Variants in DHX36 observed in about 807,000 individuals in gnomAD.
DHX36 encodes ATP-dependent DNA/RNA helicase DHX36.
Under a neutral mutation model 139.0 loss-of-function variants are expected in DHX36, and 50 were observed. That is an observed-to-expected ratio of 0.36 (90% CI 0.29 to 0.46). The LOEUF (loss-of-function observed/expected upper bound fraction) is 0.46. DHX36 is among the 20% of genes least tolerant of loss of function. The pLI, the probability that DHX36 is intolerant of heterozygous loss-of-function variation, is 1.00. For synonymous variants in DHX36, 425 were observed against 401.9 expected (o/e 1.06, Z -0.69); for missense variants, 1,024 against 1,211.3 (o/e 0.85, Z 2.29).
At chr3:154,284,335 C>T (rs908842485) in intron 19 of DHX36, among the ~76,000 whole-genome samples, 6 of 151,868 alleles carry the variant, frequency 4.0e-5, no homozygotes, top group Admixed American at 2.6e-4. Flanking sequence ...TGCCCACCAC[C>T]ACACACAGCT....
rs1382539365 is a variant in DHX36 at position 154,284,957 on chromosome 3, G to C, written c.2062C>G (p.Pro688Ala). The C allele has an allele frequency of 6.2e-7, 1 of 1,614,166 alleles. No homozygotes were observed. Among genetic ancestry groups the C allele is most frequent in the South Asian group, 1.1e-5 (1 of 91,084 alleles). The change falls in exon 18 of 25, where the codon CCT (proline) becomes GCT (alanine). Residue 688 changes from proline to alanine, a missense_variant. By Grantham distance (27) the Pro-to-Ala change is conservative. This residue lies in a region of DHX36 where 470 missense variants were observed against 616.2 expected (regional missense o/e 0.76). Coordinates refer to ENST00000496811, the MANE Select transcript of DHX36 (RefSeq NM_020865.3). ...AATCGTGCCAAGTGGACTCCAAGAG[G>C]TGTCAATTCTTCTTGTTTATCCAAA... ...NALDKQEELTPLGVHLARLPV... is the reference protein window; with the variant it reads ...NALDKQEELTALGVHLARLPV...
chr3:154,272,578 T>G lies in DHX36; in HGVS notation c.*3593A>C. 6.6e-6 allele frequency: 1 copy of G among 151,012 alleles called. No individual in the cohort carries two copies. The highest frequency in any genetic ancestry group is 2.1e-4 in the South Asian group (1 of 4,802). The allele number at this position is 151,012 out of a possible 1,614,324, so 9.4% of individuals were successfully genotyped here. On this transcript the variant is annotated 3_prime_UTR_variant, in exon 25 of 25. Coordinates refer to ENST00000496811, the MANE Select transcript of DHX36 (RefSeq NM_020865.3). ...GGTTAATTTTATTGTATATAATATC[T>G]TAAAATTTATTATATATAAAATAAT...
intron 9 of DHX36, among the ~76,000 whole-genome samples, chr3:154,302,914 T>C (rs1006742005): frequency 1.3e-5 from 2 of 152,032 alleles, no homozygotes; most frequent in African/African-American, 4.8e-5. Flanking sequence ...TAGTTTCTAC[T>C]AAAAATACAA....
intron 17 of DHX36, among the ~76,000 whole-genome samples, chr3:154,287,389 T>A (rs964605883): frequency 6.6e-6 from 1 of 152,176 alleles, no homozygotes; most frequent in East Asian, 1.9e-4. Context: ...GAGTGGTGGC[T>A]CATGCCTATG....
chr3:154,312,855 ATATATATATATAT>A (rs1712816929), intron 3 of DHX36, among the ~76,000 whole-genome samples: 58 of 4,698 alleles, frequency 0.012, 1 homozygote, highest in South Asian at 0.025. Flanking sequence ...TAATTAAAAT[ATATATATATATAT>A]ATATATATAT....
chr3:154,277,722 T>TA lies in DHX36; in HGVS notation c.2568-5dup. On this transcript the variant is annotated splice_polypyrimidine_tract_variant and splice_region_variant and intron_variant, in intron 22 of 24. Coordinates refer to ENST00000496811, the MANE Select transcript of DHX36 (RefSeq NM_020865.3). ...GGTTTTTGTGTAAACTTTTACCCTT[T>TA]AAAAAAAGTTAAAATGCAGTTTGTT... The TA allele has an allele frequency of 2.5e-6, 4 of 1,588,474 alleles. No individual in the cohort carries two copies. The highest frequency in any genetic ancestry group is 2.3e-5 in the South Asian group (2 of 85,836).
chr3:154,315,738 C>A (rs1448852324), intron 2 of DHX36, among the ~76,000 whole-genome samples: 3 of 152,072 alleles, frequency 2.0e-5, no homozygotes, highest in Non-Finnish European at 2.9e-5. Flanking sequence ...AGCAATTTCA[C>A]TTCTTGCAGA....
In DHX36 at chr3:154,283,275, T is replaced by C. The variant is rs779048646; in HGVS notation, c.2293-4A>G. The stretch of plus-strand genomic sequence containing the variant: ...GTCGCCTAGCCTCTTCCCAGCCCTA[T>C]GGGGCAAAGAAATGAAGAAATCTAT... On this transcript the variant is annotated splice_polypyrimidine_tract_variant and splice_region_variant and intron_variant, in intron 19 of 24. Transcript: ENST00000496811. The C allele has an allele frequency of 8.7e-6, 14 of 1,603,384 alleles. No homozygotes were observed. Among genetic ancestry groups the C allele is most frequent in the South Asian group, 6.6e-5 (6 of 90,602 alleles).
intron 12 of DHX36, among the ~76,000 whole-genome samples, chr3:154,297,002 AGAGAG>A: frequency 6.6e-6 from 1 of 152,354 alleles, no homozygotes; most frequent in South Asian, 2.1e-4. Context: ...AATAAAGGTA[AGAGAG>A]AATCAAATGA....
At chr3:154,316,966 G>T (rs987431513) in intron 1 of DHX36, among the ~76,000 whole-genome samples, 1 of 152,042 alleles carries the variant, frequency 6.6e-6, no homozygotes, top group Non-Finnish European at 1.5e-5. Flanking sequence ...GGAAACACAC[G>T]CGGAGTGGTG....
chr3:154,277,775 T>C, intron 22 of DHX36, 57 bp from the exon 23 acceptor site: 1 of 1,448,880 alleles, frequency 6.9e-7, no homozygotes, highest in Non-Finnish European at 9.3e-7. Context: ...AGGATTTTCT[T>C]TTTTTACACT....
intron 19 of DHX36, 41 bp downstream of exon 19, chr3:154,284,542 A>G (rs1409327672): frequency 1.4e-6 from 2 of 1,472,844 alleles, no homozygotes; most frequent in Non-Finnish European, 1.9e-6. Flanking sequence ...ATTTCATTTG[A>G]ATAAACTATC....
chr3:154,291,202 A>T (rs1431501998), intron 15 of DHX36, among the ~76,000 whole-genome samples: 1 of 148,700 alleles, frequency 6.7e-6, no homozygotes, highest in Middle Eastern at 3.5e-3. Flanking sequence ...GCTTTTTCTG[A>T]TCTCCAAAAT....
At chr3:154,278,101 T>C (rs753465706) in intron 22 of DHX36, among the ~76,000 whole-genome samples, 10 of 152,148 alleles carry the variant, frequency 6.6e-5, no homozygotes, top group Non-Finnish European at 1.2e-4. Flanking sequence ...AAGTGATTCA[T>C]ACCAAGAGTT....
intron 11 of DHX36, among the ~76,000 whole-genome samples, 197 bp downstream of exon 11, chr3:154,300,397 A>C: frequency 6.6e-6 from 1 of 152,182 alleles, no homozygotes; most frequent in East Asian, 1.9e-4. Context: ...GAGATTTATA[A>C]TCCATATATT....
In DHX36 at chr3:154,301,068, T is replaced by C. The variant is rs1302098656; in HGVS notation, c.1277A>G (p.His426Arg). 1.2e-6 allele frequency: 2 copies of C among 1,613,132 alleles called. No homozygotes were observed. Among genetic ancestry groups the C allele is most frequent in the Non-Finnish European group, 8.5e-7 (1 of 1,179,820 alleles). The change falls in exon 10 of 25, where the codon CAT becomes CGT. Residue 426 changes from histidine to arginine, a missense_variant. Coordinates refer to ENST00000496811, the MANE Select transcript of DHX36 (RefSeq NM_020865.3). ...TTCTTCTTTTTCTTGTCTATTTACA[T>C]GCCCTTGCATGAAACCCCTCTTAAA... Reference protein sequence around the residue: ...SQFKRGFMQGHVNRQEKEEKE... With the variant: ...SQFKRGFMQGRVNRQEKEEKE...
At chr3:154,311,912 A>T in intron 3 of DHX36, 1 of 392,274 alleles carries the variant, frequency 2.5e-6, no homozygotes, top group Non-Finnish European at 4.5e-6. Context: ...AGTCAGTGGC[A>T]GTAAAATGAA....
intron 22 of DHX36, 104 bp from the exon 23 acceptor site, chr3:154,277,822 A>G: frequency 9.1e-7 from 1 of 1,100,092 alleles, no homozygotes; most frequent in Non-Finnish European, 1.2e-6. Flanking sequence ...GTAAAAACCA[A>G]ACAAATCCCG....
At chr3:154,295,956 T>C (rs1192315475) in intron 12 of DHX36, among the ~76,000 whole-genome samples, 1 of 152,014 alleles carries the variant, frequency 6.6e-6, no homozygotes, top group Admixed American at 6.6e-5. Flanking sequence ...TTTGTAGAGA[T>C]GGGGATTTGC....
Sources: allele counts gnomAD v4.1 joint callset (sites outside exome capture counted in the v4.1 genomes callset), GRCh38; gene constraint gnomAD v4.1.1; regional missense constraint gnomAD v4.1.1; transcripts MANE v1.5; gene names NCBI Gene and HGNC (gene_info 2026-07-23, HGNC 2026-07-21).